The following FIG4 variants were observed in gnomAD, a reference collection of about 807,000 sequenced individuals.
FIG4 encodes the protein FIG4 phosphoinositide 5-phosphatase, also known as polyphosphoinositide phosphatase.
In FIG4, 112 loss-of-function variants were observed where a neutral mutation model predicts 118.6. That is an observed-to-expected ratio of 0.94 (90% CI 0.81 to 1.11). The LOEUF (loss-of-function observed/expected upper bound fraction) is 1.11. Among genes scored for constraint, FIG4 ranks in the 50% least tolerant of loss-of-function variants. FIG4 has a pLI of 0.00. For synonymous variants in FIG4, 369 were observed against 381.2 expected, an observed-to-expected ratio of 0.97 and a Z score of 0.37; for missense variants, 969 against 1,111.7, an observed-to-expected ratio of 0.87 and a Z score of 1.83.
At chr6:109,778,078 C>G (rs9487213) in intron 16 of FIG4, among the ~76,000 whole-genome samples, 15,294 of 152,042 alleles carry the variant, frequency 0.1, 1,520 homozygotes, top group African/African-American at 0.25. Flanking sequence ...AGAGCCTAGT[C>G]CATTGCACTC....
At chr6:109,792,442 G>A (rs1778160582) in intron 20 of FIG4, 140 bp from the exon 21 acceptor site, 2 of 610,458 alleles carry the variant, frequency 3.3e-6, no homozygotes, top group Non-Finnish European at 5.8e-6. Flanking sequence ...CATCAACTAA[G>A]AAGTTTAATG....
At chr6:109,738,830 G>A (rs1055925127) in intron 7 of FIG4, among the ~76,000 whole-genome samples, 2 of 152,052 alleles carry the variant, frequency 1.3e-5, no homozygotes, top group African/African-American at 4.8e-5. Context: ...AGATCAGGCC[G>A]AGCAGAGAGA....
chr6:109,703,669 A>G (rs892352259), intron 1 of FIG4, among the ~76,000 whole-genome samples: 1 of 152,156 alleles, frequency 6.6e-6, no homozygotes, highest in African/African-American at 2.4e-5. Flanking sequence ...CACCTCAGAC[A>G]TCTCTGTTGT....
intron 10 of FIG4, among the ~76,000 whole-genome samples, chr6:109,756,860 A>G (rs1213925847): frequency 6.6e-6 from 1 of 152,022 alleles, no homozygotes; most frequent in African/African-American, 2.4e-5. Flanking sequence ...AAAGTTTTCA[A>G]CTTCTTTGTG....
In FIG4 at chr6:109,791,491, C is replaced by T. The variant is rs552937585; in HGVS notation, c.2296C>T (p.Arg766Trp). The part of the protein sequence containing the change: ...SSSEDDSGTD[R>W]EEEGSVSQRS... ...CTCTGAGGATGACTCTGGGACTGATCGGGAAGAAGAGGGCTCTGTGTCTCA... is the reference window on the plus strand; with the variant it reads ...CTCTGAGGATGACTCTGGGACTGATTGGGAAGAAGAGGGCTCTGTGTCTCA... Residue 766 changes from arginine to tryptophan, a missense_variant, in exon 20 of 23, where the codon CGG becomes TGG. Arg to Trp is a moderately radical substitution (Grantham distance 101). This residue lies in a region of FIG4 where 330 missense variants were observed against 348.1 expected (regional missense o/e 0.95). Coordinates refer to ENST00000230124, the MANE Select transcript of FIG4 (RefSeq NM_014845.6). 17 of 1,614,014 alleles carry T rather than the reference C, an allele frequency of 1.1e-5. No individual in the cohort carries two copies. The highest frequency in any genetic ancestry group is 2.2e-5 in the East Asian group (1 of 44,878).
At chr6:109,723,376 G>T (rs1421308220) in intron 3 of FIG4, among the ~76,000 whole-genome samples, 1 of 152,100 alleles carries the variant, frequency 6.6e-6, no homozygotes, top group Non-Finnish European at 1.5e-5. Context: ...AATGTATATG[G>T]CTCTTTCTTT....
At chr6:109,691,546 C>T (rs1253866024) in intron 1 of FIG4, 45 bp downstream of exon 1, 2 of 1,497,432 alleles carry the variant, frequency 1.3e-6, no homozygotes, top group Middle Eastern at 1.8e-4. Flanking sequence ...GGATGGATGT[C>T]TGCCGGTGGG....
intron 7 of FIG4, 101 bp downstream of exon 7, chr6:109,738,554 G>A (rs916013999): frequency 2.6e-6 from 3 of 1,142,186 alleles, no homozygotes; most frequent in Non-Finnish European, 3.9e-6. Flanking sequence ...ATACCACTCT[G>A]TGCACCCCAA....
chr6:109,762,244 A>T (rs768384043), intron 12 of FIG4, 37 bp downstream of exon 12: 62 of 1,299,542 alleles, frequency 4.8e-5, no homozygotes, highest in Non-Finnish European at 6.3e-5. Context: ...ATAAATGATG[A>T]TTTTTGCTCT....
At chr6:109,733,444 CACA>C (rs1361383073) in intron 5 of FIG4, among the ~76,000 whole-genome samples, 2 of 151,980 alleles carry the variant, frequency 1.3e-5, no homozygotes, top group African/African-American at 4.8e-5. Flanking sequence ...AAAAATAGAA[CACA>C]GTAAGGACTT....
intron 22 of FIG4, among the ~76,000 whole-genome samples, chr6:109,801,752 A>G (rs1562692368): frequency 6.6e-6 from 1 of 152,196 alleles, no homozygotes; most frequent in African/African-American, 2.4e-5. Flanking sequence ...TGAGATGGGC[A>G]TGACACAATG....
chr6:109,799,772 C>T (rs1190712144), intron 22 of FIG4, among the ~76,000 whole-genome samples: 1 of 152,202 alleles, frequency 6.6e-6, no homozygotes, highest in African/African-American at 2.4e-5. Flanking sequence ...GAATGGGCAG[C>T]TGGACACTTT....
chr6:109,719,857 C>T (rs774349971), intron 3 of FIG4, among the ~76,000 whole-genome samples: 7 of 152,088 alleles, frequency 4.6e-5, no homozygotes, highest in Non-Finnish European at 7.3e-5. Flanking sequence ...ATATTCCTAG[C>T]CTCATTTTTA....
At chr6:109,806,878 T>C (rs758262096) in intron 22 of FIG4, among the ~76,000 whole-genome samples, 1 of 152,154 alleles carries the variant, frequency 6.6e-6, no homozygotes, top group East Asian at 1.9e-4. Context: ...GTTCCTGTGT[T>C]AGTTGCTGAG....
chr6:109,759,602 A>G (rs911963741), intron 10 of FIG4, among the ~76,000 whole-genome samples: 4 of 152,202 alleles, frequency 2.6e-5, no homozygotes, highest in African/African-American at 9.6e-5. Flanking sequence ...ACAGAACTGT[A>G]CAGTAAAGTA....
rs1583740892 is a variant in FIG4 at position 109,791,366 on chromosome 6, C to A, written c.2181-10C>A. ...AAAGATGCTTCACTTCCATATTATT[C>A]TTTTAAAAGAAACAAAAGCAATAGA... On this transcript the variant is annotated splice_polypyrimidine_tract_variant and intron_variant, in intron 19 of 22. Coordinates refer to ENST00000230124, the MANE Select transcript of FIG4 (RefSeq NM_014845.6). 1 of 1,610,342 alleles carries A rather than the reference C, an allele frequency of 6.2e-7. No individual in the cohort carries two copies. Among genetic ancestry groups the A allele is most frequent in the Non-Finnish European group, 8.5e-7 (1 of 1,178,770 alleles).
intron 1 of FIG4, among the ~76,000 whole-genome samples, chr6:109,713,316 C>T (rs371846779): frequency 5.9e-5 from 9 of 152,136 alleles, no homozygotes; most frequent in African/African-American, 1.4e-4. Flanking sequence ...GCTGAGGGGG[C>T]GGGGGAGGCC....
At chr6:109,781,157 A>T (rs1777791511) in intron 16 of FIG4, among the ~76,000 whole-genome samples, 1 of 152,174 alleles carries the variant, frequency 6.6e-6, no homozygotes, top group African/African-American at 2.4e-5. Flanking sequence ...GGAACAGTTC[A>T]CTTACACAAT....
intron 3 of FIG4, among the ~76,000 whole-genome samples, chr6:109,719,889 TA>T (rs1018552834): frequency 2.6e-4 from 40 of 152,222 alleles, no homozygotes; most frequent in African/African-American, 8.4e-4. Flanking sequence ...ACCAAGCTTG[TA>T]AAACTAGAAC....
Sources: gnomAD v4.1 joint callset for allele counts (sites outside exome capture counted in the v4.1 genomes callset) on GRCh38, gnomAD v4.1.1 for gene constraint, gnomAD v4.1.1 regional missense constraint, MANE v1.5 for transcripts, NCBI Gene and HGNC (gene_info 2026-07-23, HGNC 2026-07-21) for gene names.